Variants in CADPS2 observed in about 807,000 individuals in gnomAD.
CADPS2 encodes the protein calcium dependent secretion activator 2.
In CADPS2, 93 loss-of-function variants were observed where a neutral mutation model predicts 172.5. The observed-to-expected ratio is 0.54, with a 90% confidence interval of 0.46 to 0.64. The LOEUF is 0.64. Among genes scored for constraint, CADPS2 ranks in the 30% least tolerant of loss-of-function variants. The pLI is 0.00. For synonymous variants in CADPS2, 546 were observed against 555.2 expected, an observed-to-expected ratio of 0.98 and a Z score of 0.23; for missense variants, 1,420 against 1,565.9, an observed-to-expected ratio of 0.91 and a Z score of 1.57.
intron 1 of CADPS2, among the ~76,000 whole-genome samples, chr7:122,747,032 A>C (rs1480757074): frequency 1.3e-5 from 2 of 152,128 alleles, no homozygotes; most frequent in African/African-American, 4.8e-5. Flanking sequence ...GGTCCCCACT[A>C]ACAATGTAAC....
At position 122,710,343 on chromosome 7, in the gene CADPS2, GACA is replaced by G. The variant is rs146654434; in HGVS notation, c.453+26609_453+26611del. Among the ~76,000 whole-genome samples, 373 of 152,154 alleles carry G rather than the reference GACA, an allele frequency of 2.5e-3. 3 individuals are homozygous for G. Among genetic ancestry groups the G allele is most frequent in the African/African-American group, 8.8e-3 (364 of 41,542 alleles). On this transcript the variant is annotated intron_variant, in intron 2 of 29. Coordinates refer to ENST00000449022, the MANE Select transcript of CADPS2 (RefSeq NM_017954.11). Reference sequence around the variant, plus strand: ...CCGTGAAGGAGCAGAGAAAAACGATGACAACAACATGAGCATAGAGACATCACA... The same window carrying G: ...CCGTGAAGGAGCAGAGAAAAACGATGACAACATGAGCATAGAGACATCACA...
At chr7:122,585,053 T>G (rs1311927439) in intron 6 of CADPS2, among the ~76,000 whole-genome samples, 1 of 151,816 alleles carries the variant, frequency 6.6e-6, no homozygotes, top group Non-Finnish European at 1.5e-5. Flanking sequence ...AACGAACACC[T>G]CCTGTGAAAT....
At chr7:122,458,272 A>G (rs2054024495) in intron 14 of CADPS2, among the ~76,000 whole-genome samples, 1 of 152,178 alleles carries the variant, frequency 6.6e-6, no homozygotes, top group Non-Finnish European at 1.5e-5. Flanking sequence ...AACAGAATGG[A>G]AAGGAGAGGA....
chr7:122,466,325 T>G (rs1563414534), intron 14 of CADPS2, among the ~76,000 whole-genome samples: 1 of 152,322 alleles, frequency 6.6e-6, no homozygotes, highest in East Asian at 1.9e-4. Context: ...TAGCAACTAT[T>G]TCCCAAATTG....
intron 24 of CADPS2, among the ~76,000 whole-genome samples, chr7:122,384,939 T>C (rs2043441815): frequency 6.6e-6 from 1 of 152,086 alleles, no homozygotes; most frequent in Non-Finnish European, 1.5e-5. Context: ...AAACATTTAC[T>C]AAAGTGCCTA....
At chr7:122,325,833 C>T (rs181960494) in intron 28 of CADPS2, among the ~76,000 whole-genome samples, 24 of 152,086 alleles carry the variant, frequency 1.6e-4, no homozygotes, top group African/African-American at 2.2e-4. Context: ...AACATATTCA[C>T]GGAAACAGTG....
intron 6 of CADPS2, among the ~76,000 whole-genome samples, chr7:122,603,962 G>T (rs995314781): frequency 1.3e-5 from 2 of 152,068 alleles, no homozygotes; most frequent in African/African-American, 4.8e-5. Flanking sequence ...TAAGAACTCT[G>T]TACAACATGG....
intron 6 of CADPS2, among the ~76,000 whole-genome samples, chr7:122,594,577 G>C (rs2071443864): frequency 6.6e-6 from 1 of 151,930 alleles, no homozygotes; most frequent in Non-Finnish European, 1.5e-5. Context: ...CACATCCAGA[G>C]TAGAAAAATC....
Position 122,702,445 on chromosome 7 carries a change from CA to C in CADPS2, c.453+34509del, listed in dbSNP as rs1412664498. On this transcript the variant is annotated intron_variant, in intron 2 of 29. Coordinates refer to ENST00000449022, the MANE Select transcript of CADPS2 (RefSeq NM_017954.11). The stretch of plus-strand genomic sequence containing the variant: ...TACAGCCTCCACGTTCGATGAGGGC[CA>C]GCCATGAGTCTGCCTGTTTGGGCCT... The C allele has an allele frequency of 3.7e-6, 6 of 1,613,762 alleles. No homozygotes were observed. The South Asian group carries it at 6.6e-5, about 18-fold the overall frequency.
intron 1 of CADPS2, among the ~76,000 whole-genome samples, chr7:122,788,528 G>A (rs1024924055): frequency 1.3e-5 from 2 of 152,070 alleles, no homozygotes; most frequent in Non-Finnish European, 2.9e-5. Context: ...AAATTGCTTT[G>A]TTTATATTTC....
At chr7:122,434,268 C>A (rs1400219770) in intron 17 of CADPS2, among the ~76,000 whole-genome samples, 2 of 151,870 alleles carry the variant, frequency 1.3e-5, no homozygotes, top group African/African-American at 2.4e-5. Flanking sequence ...TAGGTGTGTT[C>A]TTTCTCCTCT....
chr7:122,643,770 T>C (rs918824966), intron 3 of CADPS2, among the ~76,000 whole-genome samples: 2 of 148,666 alleles, frequency 1.3e-5, no homozygotes, highest in African/African-American at 5.0e-5. Context: ...ATGAAAAGAG[T>C]GAGGGGAGGA....
chr7:122,579,032 T>C (rs2068440815), intron 7 of CADPS2, among the ~76,000 whole-genome samples: 1 of 152,066 alleles, frequency 6.6e-6, no homozygotes, highest in Non-Finnish European at 1.5e-5. Flanking sequence ...CAAAAATATG[T>C]GGTTTGAGAT....
At chr7:122,775,692 T>C (rs2093858171) in intron 1 of CADPS2, among the ~76,000 whole-genome samples, 1 of 152,218 alleles carries the variant, frequency 6.6e-6, no homozygotes, top group Non-Finnish European at 1.5e-5. Context: ...CTCCCCCTAA[T>C]AAAACATGAC....
At chr7:122,418,570 T>C (rs2048201574) in intron 17 of CADPS2, among the ~76,000 whole-genome samples, 1 of 152,182 alleles carries the variant, frequency 6.6e-6, no homozygotes, top group African/African-American at 2.4e-5. Context: ...GGTGAAAGTG[T>C]CTGATATGGA....
intron 2 of CADPS2, among the ~76,000 whole-genome samples, chr7:122,705,700 AATATATCATATATT>A (rs2086982940): frequency 2.5e-5 from 1 of 39,412 alleles, no homozygotes; most frequent in African/African-American, 7.5e-5. Flanking sequence ...TATTATATAT[AATATATCATATATT>A]ATATAATATA....
At chr7:122,534,156 T>A (rs1275748830) in intron 8 of CADPS2, among the ~76,000 whole-genome samples, 2 of 152,146 alleles carry the variant, frequency 1.3e-5, no homozygotes, top group Non-Finnish European at 2.9e-5. Context: ...TTCTATTTAT[T>A]GCACCTGAAT....
At chr7:122,370,301 C>T (rs539440546) in intron 25 of CADPS2, among the ~76,000 whole-genome samples, 2 of 152,274 alleles carry the variant, frequency 1.3e-5, no homozygotes, top group East Asian at 1.9e-4. Flanking sequence ...GCACTGTATC[C>T]CTGGCATTGA....
chr7:122,704,476 ATTAT>A (rs1391244636), intron 2 of CADPS2, among the ~76,000 whole-genome samples: 2 of 152,020 alleles, frequency 1.3e-5, no homozygotes, highest in Non-Finnish European at 2.9e-5. Context: ...TAAATCTGTG[ATTAT>A]TTAACCTTTG....
Sources: allele counts gnomAD v4.1 joint callset (sites outside exome capture counted in the v4.1 genomes callset), GRCh38; gene constraint gnomAD v4.1.1; transcripts MANE v1.5; gene names NCBI Gene and HGNC (gene_info 2026-07-23, HGNC 2026-07-21).